The following COPA variants were observed in gnomAD, a reference collection of about 807,000 sequenced individuals.
COPA encodes the protein coatomer subunit alpha.
In COPA, 10 loss-of-function variants were observed where a neutral mutation model predicts 158.7. The ratio of observed to expected loss-of-function variants is 0.06; its 90% CI spans 0.04 to 0.11. COPA has a LOEUF of 0.11. Among genes scored for constraint, COPA ranks in the 10% least tolerant of loss-of-function variants. The pLI is 1.00. For missense variants in COPA, 1,065 were observed against 1,536.7 expected (o/e 0.69, Z 5.13); for synonymous variants, 462 against 542.8 (o/e 0.85, Z 2.07).
intron 17 of COPA, among the ~76,000 whole-genome samples, chr1:160,303,215 C>G (rs1658672824): frequency 6.6e-6 from 1 of 152,036 alleles, no homozygotes; most frequent in East Asian, 1.9e-4. Context: ...GCAACAACAA[C>G]AACAACAAAA....
At chr1:160,296,802 C>A (rs1658434026) in intron 21 of COPA, among the ~76,000 whole-genome samples, 1 of 152,192 alleles carries the variant, frequency 6.6e-6, no homozygotes, top group Non-Finnish European at 1.5e-5. Flanking sequence ...TCTGTTACAT[C>A]TCAAATCTAG....
At chr1:160,308,819 C>T in intron 13 of COPA, 1 of 349,160 alleles carries the variant, frequency 2.9e-6, no homozygotes, top group East Asian at 5.2e-5. Context: ...GTCATATCAA[C>T]TGACAATAAA....
intron 3 of COPA, among the ~76,000 whole-genome samples, chr1:160,338,691 G>A (rs982736699): frequency 6.6e-6 from 1 of 152,064 alleles, no homozygotes. Flanking sequence ...TCTCAATCTT[G>A]ATCTTATTCT....
chr1:160,290,154 G>A lies in COPA; in HGVS notation c.*3C>T, dbSNP rs773805961. On this transcript the variant is annotated 3_prime_UTR_variant, in exon 33 of 33. Coordinates refer to ENST00000241704, the MANE Select transcript of COPA (RefSeq NM_004371.4). ...TGACTGACCCATGCACACAAAGGGGGCCTTAGCGAAACTGCAGAGGACTGA... is the reference window on the plus strand; with the variant it reads ...TGACTGACCCATGCACACAAAGGGGACCTTAGCGAAACTGCAGAGGACTGA... 68 of 1,613,892 alleles carry A rather than the reference G, an allele frequency of 4.2e-5. No homozygotes were observed. Among genetic ancestry groups the A allele is most frequent in the Non-Finnish European group, 5.4e-5 (64 of 1,179,918 alleles).
chr1:160,293,533 C>T (rs547485746), intron 25 of COPA, 70 bp from the exon 26 acceptor site: 852 of 1,212,702 alleles, frequency 7.0e-4, no homozygotes, highest in Non-Finnish European at 8.4e-4. Flanking sequence ...CACACTCTGT[C>T]ACCTAGACTG....
In COPA at chr1:160,305,371, G is replaced by A. The variant is rs1035161520; in HGVS notation, c.1667+62C>T. ...ATGGAGGACTTCAGTTACATCTCAA[G>A]ACAAGACAGTGATTTCAGGAAGCTG... On this transcript the variant is annotated intron_variant, in intron 17 of 32. Transcript: ENST00000241704. 15 of 1,553,176 alleles carry A rather than the reference G, an allele frequency of 9.7e-6. No individual in the cohort carries two copies. The African/African-American group carries it at 2.0e-4, about 21-fold the overall frequency.
At chr1:160,318,473 A>AC (rs1659220173) in intron 8 of COPA, among the ~76,000 whole-genome samples, 3 of 82,740 alleles carry the variant, frequency 3.6e-5, no homozygotes, top group Non-Finnish European at 7.3e-5. Context: ...ATTTGTAAAA[A>AC]AAAAAAAAAA....
intron 3 of COPA, 137 bp from the exon 4 acceptor site, chr1:160,335,459 C>A: frequency 3.5e-6 from 2 of 577,626 alleles, no homozygotes; most frequent in Non-Finnish European, 5.4e-6. Context: ...TTTGGCATTT[C>A]TAAATAGGTA....
rs559941181 is a variant in COPA at position 160,333,407 on chromosome 1, T to C, written c.386+196A>G. 1.3e-3 allele frequency: 585 copies of C among 454,214 alleles called. 2 individuals carry two copies. Among genetic ancestry groups the C allele is most frequent in the Non-Finnish European group, 1.9e-3 (478 of 256,414 alleles). The allele number at this position is 454,214 out of a possible 1,614,324, so 28.1% of individuals were successfully genotyped here. A position where few individuals can be genotyped will look rare whatever the true frequency, so the allele number is the denominator to read the frequency against. On this transcript the variant is annotated intron_variant, in intron 5 of 32. Transcript: ENST00000241704. ...GACTTCTCTTCCTGGTAAGAAATTA[T>C]TGGAAGTCCAGATTCATATATGGGA... is the stretch of plus-strand genomic sequence containing the variant.
At chr1:160,327,937 A>G (rs1442102676) in intron 6 of COPA, among the ~76,000 whole-genome samples, 1 of 152,230 alleles carries the variant, frequency 6.6e-6, no homozygotes, top group Non-Finnish European at 1.5e-5. Flanking sequence ...TAAGTTTAAT[A>G]ACTGCATTTA....
intron 18 of COPA, 24 bp from the exon 19 acceptor site, chr1:160,299,015 G>A: frequency 6.2e-7 from 1 of 1,611,686 alleles, no homozygotes; most frequent in Non-Finnish European, 8.5e-7. Context: ...GTGGAGTCGG[G>A]CAAGAAGTAG....
chr1:160,306,325 T>C (rs1557864952), intron 15 of COPA, 29 bp downstream of exon 15: 3 of 1,559,386 alleles, frequency 1.9e-6, no homozygotes, highest in Non-Finnish European at 2.6e-6. Flanking sequence ...ACTACAGGGC[T>C]GTCTGCTTAG....
chr1:160,311,501 G>A (rs1338444387), intron 11 of COPA, among the ~76,000 whole-genome samples: 2 of 151,942 alleles, frequency 1.3e-5, no homozygotes, highest in Admixed American at 6.6e-5. Flanking sequence ...TGTAATCCCA[G>A]CACTTTGGGA....
At chr1:160,334,711 T>A (rs984939285) in intron 4 of COPA, among the ~76,000 whole-genome samples, 2 of 152,204 alleles carry the variant, frequency 1.3e-5, no homozygotes, top group African/African-American at 2.4e-5. Flanking sequence ...GATTCAGAGG[T>A]TGGGAGTCTG....
At chr1:160,311,584 A>G (rs1571163341) in intron 11 of COPA, among the ~76,000 whole-genome samples, 1 of 151,944 alleles carries the variant, frequency 6.6e-6, no homozygotes, top group East Asian at 1.9e-4. Flanking sequence ...CGTCTCTACT[A>G]AAAAATACAA....
intron 27 of COPA, 145 bp downstream of exon 27, chr1:160,293,021 T>C: frequency 2.4e-6 from 2 of 825,180 alleles, no homozygotes; most frequent in Non-Finnish European, 3.9e-6. Flanking sequence ...AAGGCAAGTG[T>C]ACTTAACAAA....
chr1:160,296,583 G>C (rs1658421634), intron 21 of COPA, among the ~76,000 whole-genome samples: 1 of 152,192 alleles, frequency 6.6e-6, no homozygotes, highest in Admixed American at 6.5e-5. Context: ...TGCAGTTCTG[G>C]CCAACACTTT....
Position 160,297,648 on chromosome 1 carries a change from A to G in COPA, c.2075T>C (p.Met692Thr). ...LLQGNHQIVEMCYQRTKNFDK... is the reference protein window; with the variant it reads ...LLQGNHQIVETCYQRTKNFDK... ...AAAGTTTTTGGTACGCTGATAGCAC[A>G]TTTCCACAATCTGGTGGTTCCCCTG... is the stretch of plus-strand genomic sequence containing the variant. Residue 692 changes from methionine to threonine, a missense_variant, in exon 20 of 33, where the codon ATG (methionine) becomes ACG (threonine). Transcript: ENST00000241704. The G allele has an allele frequency of 1.9e-6, 3 of 1,614,114 alleles. No homozygotes were observed. The highest frequency in any genetic ancestry group is 2.5e-6 in the Non-Finnish European group (3 of 1,180,024).
intron 19 of COPA, 146 bp from the exon 20 acceptor site, chr1:160,297,891 G>T: frequency 1.0e-6 from 1 of 958,192 alleles, no homozygotes; most frequent in African/African-American, 1.7e-5. Context: ...TAATTCCATT[G>T]AAAATCGGCT....
Sources: gnomAD v4.1 joint callset for allele counts (sites outside exome capture counted in the v4.1 genomes callset) on GRCh38, gnomAD v4.1.1 for gene constraint, MANE v1.5 for transcripts, NCBI Gene and HGNC (gene_info 2026-07-23, HGNC 2026-07-21) for gene names.